The following SPEF2 variants were observed in gnomAD, a reference collection of about 807,000 sequenced individuals.
SPEF2 encodes sperm flagella and cilia-associated protein 2.
SPEF2 carries 187 observed loss-of-function variants against 224.6 expected under a neutral mutation model. The ratio of observed to expected loss-of-function variants is 0.83; its 90% CI spans 0.74 to 0.94. SPEF2 has a LOEUF of 0.94. Among genes scored for constraint, SPEF2 ranks in the 40% least tolerant of loss-of-function variants. The pLI is 0.00. For synonymous variants in SPEF2, 715 were observed against 707.3 expected, an observed-to-expected ratio of 1.01 and a Z score of -0.17; for missense variants, 2,170 against 2,135.6, an observed-to-expected ratio of 1.02 and a Z score of -0.32.
At chr5:35,665,933 G>C (rs575105057) in intron 8 of SPEF2, among the ~76,000 whole-genome samples, 85 of 152,186 alleles carry the variant, frequency 5.6e-4, no homozygotes, top group Middle Eastern at 3.4e-3. Context: ...AACAAATGGT[G>C]GACCTTACAC....
chr5:35,708,897 G>A (rs1740548904), intron 18 of SPEF2, 51 bp from the exon 19 acceptor site: 1 of 1,477,194 alleles, frequency 6.8e-7, no homozygotes, highest in Non-Finnish European at 9.2e-7. Flanking sequence ...AAGTGAAATA[G>A]TAGATTTCTA....
chr5:35,766,187 AAATTTTGTGG>A (rs1159371293), intron 26 of SPEF2, among the ~76,000 whole-genome samples: 1 of 152,042 alleles, frequency 6.6e-6, no homozygotes, highest in Non-Finnish European at 1.5e-5. Context: ...ATACTTTGGA[AAATTTTGTGG>A]AAGTTGGGAT....
intron 27 of SPEF2, 33 bp downstream of exon 27, chr5:35,771,789 T>A: frequency 6.4e-7 from 1 of 1,564,204 alleles, no homozygotes; most frequent in Non-Finnish European, 8.6e-7. Context: ...GAACCCTGGA[T>A]GCCTAAACCT....
At chr5:35,747,324 T>C (rs1203000236) in intron 23 of SPEF2, among the ~76,000 whole-genome samples, 2 of 152,030 alleles carry the variant, frequency 1.3e-5, no homozygotes, top group Non-Finnish European at 2.9e-5. Flanking sequence ...ATGAATGCAA[T>C]GGTACCTCAC....
In SPEF2 at chr5:35,646,679, A is replaced by T. The variant is rs765907847; in HGVS notation, c.598A>T (p.Arg200Ter). 2 of 1,613,710 alleles carry T rather than the reference A, an allele frequency of 1.2e-6. No individual in the cohort carries two copies. The highest frequency in any genetic ancestry group is 2.2e-5 in the South Asian group (2 of 91,020). Residue 200 changes from arginine (R) to a stop codon, truncating the protein, a stop_gained, in exon 5 of 37, where the codon AGA (arginine) becomes TGA (stop). Transcript: ENST00000356031. LOFTEE classifies it high-confidence loss of function. ...ATGGGATATTCAGCAATACTTAAACAGAAGACGACAAAATGAAATAATGGC... is the reference window on the plus strand; with the variant it reads ...ATGGGATATTCAGCAATACTTAAACTGAAGACGACAAAATGAAATAATGGC... The part of the protein sequence containing the change: ...CFDIEKQYLN[R>*]RRQNEIMAKI...
intron 27 of SPEF2, 102 bp from the exon 28 acceptor site, chr5:35,773,791 T>A: frequency 7.3e-7 from 1 of 1,365,694 alleles, no homozygotes; most frequent in Middle Eastern, 2.0e-4. Flanking sequence ...CACTAGAGGT[T>A]TATAGCTTAA....
intron 18 of SPEF2, among the ~76,000 whole-genome samples, chr5:35,707,679 G>A (rs558004043): frequency 1.3e-5 from 2 of 152,222 alleles, no homozygotes; most frequent in Non-Finnish European, 2.9e-5. Flanking sequence ...ATCATGCAAG[G>A]CAAAGGGTCA....
intron 13 of SPEF2, 45 bp from the exon 14 acceptor site, chr5:35,695,690 G>C: frequency 6.7e-7 from 1 of 1,501,768 alleles, no homozygotes; most frequent in Non-Finnish European, 9.2e-7. Context: ...TGGTTGTTAG[G>C]TGTAAATACC....
intron 25 of SPEF2, 69 bp from the exon 26 acceptor site, chr5:35,763,453 A>G: frequency 7.2e-7 from 1 of 1,393,732 alleles, no homozygotes; most frequent in East Asian, 2.4e-5. Context: ...TTACAAAGTA[A>G]CATGGTCACA....
chr5:35,644,644 T>G, intron 4 of SPEF2, 119 bp downstream of exon 4: 1 of 716,632 alleles, frequency 1.4e-6, no homozygotes, highest in Non-Finnish European at 2.1e-6. Flanking sequence ...CCCTGATGCA[T>G]GACTTTGTCC....
intron 20 of SPEF2, among the ~76,000 whole-genome samples, chr5:35,715,676 A>G (rs896401941): frequency 2.0e-5 from 3 of 151,992 alleles, no homozygotes; most frequent in Non-Finnish European, 4.4e-5. Context: ...CTGTGCAAGG[A>G]CCTAGATCTC....
chr5:35,748,513 T>C (rs1230092937), intron 23 of SPEF2, among the ~76,000 whole-genome samples: 1 of 152,014 alleles, frequency 6.6e-6, no homozygotes, highest in East Asian at 1.9e-4. Flanking sequence ...ATCACTGAAA[T>C]ACAAAAGATC....
At chr5:35,654,338 T>C (rs1748660872) in intron 6 of SPEF2, among the ~76,000 whole-genome samples, 1 of 152,092 alleles carries the variant, frequency 6.6e-6, no homozygotes, top group African/African-American at 2.4e-5. Context: ...ACAGAGAATT[T>C]AGAAATGGGG....
chr5:35,636,537 T>C (rs1745856862), intron 2 of SPEF2, among the ~76,000 whole-genome samples: 1 of 152,178 alleles, frequency 6.6e-6, no homozygotes, highest in South Asian at 2.1e-4. Flanking sequence ...CTGTCTCAGG[T>C]AACTGTGATT....
intron 5 of SPEF2, among the ~76,000 whole-genome samples, chr5:35,647,733 T>C (rs1294089478): frequency 1.3e-5 from 2 of 152,158 alleles, no homozygotes; most frequent in African/African-American, 4.8e-5. Context: ...TCCTACTATA[T>C]GCTTTTACTC....
intron 10 of SPEF2, chr5:35,670,706 G>T: frequency 4.1e-6 from 4 of 985,514 alleles, no homozygotes; most frequent in Non-Finnish European, 4.8e-6. Flanking sequence ...AAAAAGTATC[G>T]GGTGCCAACT....
intron 28 of SPEF2, among the ~76,000 whole-genome samples, chr5:35,775,741 G>A (rs1753524872): frequency 6.6e-6 from 1 of 152,078 alleles, no homozygotes; most frequent in African/African-American, 2.4e-5. Flanking sequence ...GAGATAATCA[G>A]CACCCAAACT....
At chr5:35,778,199 T>C (rs137904931) in intron 29 of SPEF2, among the ~76,000 whole-genome samples, 2 of 152,340 alleles carry the variant, frequency 1.3e-5, no homozygotes, top group Admixed American at 1.3e-4. Context: ...CTCACTTTCA[T>C]TGTAATATAT....
intron 30 of SPEF2, chr5:35,781,708 T>C (rs1269235516): frequency 6.6e-6 from 1 of 152,238 alleles, no homozygotes; most frequent in African/African-American, 2.4e-5. Context: ...GTGAGTTATG[T>C]ATGGTCTATG....
Sources: allele counts gnomAD v4.1 joint callset (sites outside exome capture counted in the v4.1 genomes callset), GRCh38; gene constraint gnomAD v4.1.1; transcripts MANE v1.5; gene names NCBI Gene and HGNC (gene_info 2026-07-23, HGNC 2026-07-21).